ENTREP2: variants seen among roughly 807,000 people sequenced by gnomAD.
ENTREP2 encodes endosomal transmembrane epsin interactor 2.
chr15:29,188,927 G>A, the ENTREP2 span, among the ~76,000 whole-genome samples: 1 of 152,206 alleles, frequency 6.6e-6, no homozygotes, highest in African/African-American at 2.4e-5. Context: ...ACATCCCCAT[G>A]CCAGGAGGGT....
the ENTREP2 span, among the ~76,000 whole-genome samples, chr15:29,388,461 G>A: frequency 6.6e-6 from 1 of 152,178 alleles, no homozygotes; most frequent in Admixed American, 6.5e-5. Flanking sequence ...AAAAAGTCAG[G>A]AAACAACAGG....
the ENTREP2 span, among the ~76,000 whole-genome samples, chr15:29,443,023 C>T: frequency 1.3e-5 from 2 of 152,170 alleles, no homozygotes; most frequent in Non-Finnish European, 2.9e-5. Flanking sequence ...CCAAAGACAG[C>T]GTCTCTGCGA....
chr15:29,148,403 C>T, the ENTREP2 span, among the ~76,000 whole-genome samples: 2 of 152,158 alleles, frequency 1.3e-5, no homozygotes, highest in African/African-American at 2.4e-5. Flanking sequence ...CTTCCAGAAC[C>T]TCCTCTGCCA....
chr15:29,417,588 A>G, the ENTREP2 span, among the ~76,000 whole-genome samples: 2 of 152,160 alleles, frequency 1.3e-5, no homozygotes, highest in African/African-American at 4.8e-5. Flanking sequence ...GCACATGTAT[A>G]CATATGTAAC....
chr15:29,431,896 A>G, the ENTREP2 span, among the ~76,000 whole-genome samples: 3 of 152,312 alleles, frequency 2.0e-5, no homozygotes, highest in African/African-American at 7.2e-5. Context: ...AATGAACACA[A>G]GACCACTCTG....
At chr15:29,359,071 CAGGGA>C in the ENTREP2 span, among the ~76,000 whole-genome samples, 1 of 152,100 alleles carries the variant, frequency 6.6e-6, no homozygotes, top group South Asian at 2.1e-4. Context: ...ATATAATCTA[CAGGGA>C]ATGAACAGTA....
the ENTREP2 span, among the ~76,000 whole-genome samples, chr15:29,290,885 C>T: frequency 2.0e-4 from 30 of 152,336 alleles, no homozygotes; most frequent in African/African-American, 5.3e-4. Context: ...GATGGAGATG[C>T]GGCCTCATCT....
At chr15:29,583,427 G>C in the ENTREP2 span, among the ~76,000 whole-genome samples, 2 of 152,122 alleles carry the variant, frequency 1.3e-5, no homozygotes, top group Non-Finnish European at 2.9e-5. Flanking sequence ...TTACGAGTGG[G>C]AGCTGAACAA....
the ENTREP2 span, among the ~76,000 whole-genome samples, chr15:29,578,325 A>T: frequency 6.6e-6 from 1 of 152,148 alleles, no homozygotes; most frequent in African/African-American, 2.4e-5. Flanking sequence ...CTAGGTATAT[A>T]CCCAAAGGAA....
chr15:29,268,768 G>A, the ENTREP2 span: 438 of 1,575,868 alleles, frequency 2.8e-4, no homozygotes, highest in Non-Finnish European at 7.7e-5. Flanking sequence ...CCCTTGTCCC[G>A]GGGGTCCCTC....
the ENTREP2 span, among the ~76,000 whole-genome samples, chr15:29,422,280 G>GAAGAAAGA: frequency 6.6e-6 from 1 of 150,842 alleles, no homozygotes; most frequent in Non-Finnish European, 1.5e-5. Context: ...CAAAAAAAAA[G>GAAGAAAGA]AAAAAAGAAA....
chr15:29,145,355 G>A, the ENTREP2 span, among the ~76,000 whole-genome samples: 1 of 152,126 alleles, frequency 6.6e-6, no homozygotes, highest in Non-Finnish European at 1.5e-5. Context: ...GGACACGGTG[G>A]CTCATGCCTG....
At chr15:29,128,516 A>G in the ENTREP2 span, among the ~76,000 whole-genome samples, 1 of 152,088 alleles carries the variant, frequency 6.6e-6, no homozygotes, top group African/African-American at 2.4e-5. Context: ...CAAGTGAGAA[A>G]GTGGGGCAGA....
the ENTREP2 span, among the ~76,000 whole-genome samples, chr15:29,586,381 A>G: frequency 6.6e-6 from 1 of 152,192 alleles, no homozygotes; most frequent in Admixed American, 6.5e-5. Flanking sequence ...AAAATTGGAT[A>G]GTGGTGATGG....
the ENTREP2 span, among the ~76,000 whole-genome samples, chr15:29,341,782 T>C: frequency 4.6e-5 from 7 of 151,942 alleles, no homozygotes; most frequent in East Asian, 1.4e-3. Context: ...AGAAGCACCT[T>C]ACAAGCACGG....
chr15:29,247,289 C>T, the ENTREP2 span, among the ~76,000 whole-genome samples: 9 of 152,164 alleles, frequency 5.9e-5, no homozygotes, highest in Non-Finnish European at 1.0e-4. Context: ...TTTTAATTTT[C>T]CCTCAAAGTA....
the ENTREP2 span, among the ~76,000 whole-genome samples, chr15:29,474,647 C>A: frequency 5.9e-5 from 9 of 152,060 alleles, no homozygotes; most frequent in Non-Finnish European, 1.2e-4. Flanking sequence ...CTCCGCCTCC[C>A]GGGTTCAAGT....
At chr15:29,427,975 A>C in the ENTREP2 span, among the ~76,000 whole-genome samples, 1 of 152,196 alleles carries the variant, frequency 6.6e-6, no homozygotes, top group Non-Finnish European at 1.5e-5. Context: ...AAACCAACAG[A>C]GTGATAAATA....
chr15:29,372,295 TA>T, the ENTREP2 span, among the ~76,000 whole-genome samples: 1 of 152,228 alleles, frequency 6.6e-6, no homozygotes, highest in African/African-American at 2.4e-5. Flanking sequence ...TCCACTTAAT[TA>T]ATAGTAAATA....
Sources: gnomAD v4.1 joint callset for allele counts (sites outside exome capture counted in the v4.1 genomes callset) on GRCh38, gnomAD v4.1.1 for gene constraint, MANE v1.5 for transcripts, NCBI Gene and HGNC (gene_info 2026-07-23, HGNC 2026-07-21) for gene names.